ATP10D: variants seen among roughly 807,000 people sequenced by gnomAD.
ATP10D encodes ATPase phospholipid transporting 10D (putative), also known as phospholipid-transporting ATPase VD.
ATP10D carries 89 observed loss-of-function variants against 144.8 expected under a neutral mutation model. That is an observed-to-expected ratio of 0.61 (90% CI 0.52 to 0.73). The LOEUF is 0.73. Among genes scored for constraint, ATP10D ranks in the 30% least tolerant of loss-of-function variants. The pLI, the probability that ATP10D is intolerant of heterozygous loss-of-function variation, is 0.00. For synonymous variants in ATP10D, 571 were observed against 615.1 expected (o/e 0.93, Z 1.06); for missense variants, 1,603 against 1,714.8 (o/e 0.93, Z 1.15).
At chr4:47,554,967 G>T in intron 11 of ATP10D, 53 bp downstream of exon 11, 5 of 1,488,272 alleles carry the variant, frequency 3.4e-6, no homozygotes, top group Non-Finnish European at 4.7e-6. Flanking sequence ...GAGAATTTTG[G>T]GTTTAAATGT....
intron 9 of ATP10D, among the ~76,000 whole-genome samples, chr4:47,542,679 A>G (rs1390018809): frequency 6.6e-6 from 1 of 151,894 alleles, no homozygotes; most frequent in South Asian, 2.1e-4. Flanking sequence ...GGGTTTCGCC[A>G]TGTTGGCCAG....
intron 10 of ATP10D, 125 bp from the exon 11 acceptor site, chr4:47,554,601 G>T: frequency 1.4e-6 from 1 of 721,218 alleles, no homozygotes; most frequent in South Asian, 2.8e-5. Flanking sequence ...ATTGTTTTTA[G>T]AAAAATAAAG....
intron 1 of ATP10D, among the ~76,000 whole-genome samples, chr4:47,493,476 C>T (rs542641307): frequency 1.0e-3 from 157 of 152,258 alleles, no homozygotes; most frequent in African/African-American, 3.7e-3. Context: ...TGTTAGATGA[C>T]TTTGTCCAAC....
At chr4:47,516,034 A>G (rs1487929393) in intron 3 of ATP10D, among the ~76,000 whole-genome samples, 2 of 152,180 alleles carry the variant, frequency 1.3e-5, no homozygotes, top group African/African-American at 4.8e-5. Flanking sequence ...GTTCAAGACC[A>G]GCCTGACCAA....
chr4:47,565,510 G>C (rs1719580217), intron 15 of ATP10D, among the ~76,000 whole-genome samples: 1 of 152,162 alleles, frequency 6.6e-6, no homozygotes, highest in Admixed American at 6.5e-5. Flanking sequence ...CGCTGACTGA[G>C]TATGTGGCCT....
At position 47,593,078 on chromosome 4, in the gene ATP10D, C is replaced by A. The variant is rs1295446781; in HGVS notation, c.*1697C>A. On this transcript the variant is annotated 3_prime_UTR_variant, in exon 23 of 23. Transcript: ENST00000273859. ...ATTCATTCCCTGAAATCGTCGTCTC[C>A]TGATAAACAATAATTTAGAGATATG... The A allele has an allele frequency of 6.6e-6, 1 of 151,948 alleles. No homozygotes were observed. The highest frequency in any genetic ancestry group is 2.4e-5 in the African/African-American group (1 of 41,376). 9.4% of individuals were successfully genotyped at this position (151,948 alleles called of 1,614,324 possible).
At chr4:47,520,220 G>C (rs1434666468) in intron 3 of ATP10D, among the ~76,000 whole-genome samples, 1 of 152,176 alleles carries the variant, frequency 6.6e-6, no homozygotes, top group African/African-American at 2.4e-5. Context: ...AAAGTAGAGA[G>C]CAGTAAGCAT....
intron 9 of ATP10D, among the ~76,000 whole-genome samples, chr4:47,542,751 T>C (rs1718218066): frequency 6.6e-6 from 1 of 152,196 alleles, no homozygotes; most frequent in Admixed American, 6.5e-5. Context: ...AGTGCTGGGA[T>C]TGCAGGCCTG....
Position 47,591,190 on chromosome 4 carries a change from G to A in ATP10D, c.4090G>A (p.Ala1364Thr), listed in dbSNP as rs367581812. The change falls in exon 23 of 23, where the codon GCT becomes ACT. Residue 1364 changes from alanine (A) to threonine (T), a missense_variant. Physicochemically the swap from Ala to Thr is moderately conservative, Grantham distance 58. Coordinates refer to ENST00000273859, the MANE Select transcript of ATP10D (RefSeq NM_020453.4). ...GKMNQVTSKY[A>T]NQSAGKSGRR... ...GATGAATCAAGTGACATCAAAGTATGCTAACCAATCAGCTGGCAAGTCAGG... is the reference window on the plus strand; with the variant it reads ...GATGAATCAAGTGACATCAAAGTATACTAACCAATCAGCTGGCAAGTCAGG... 1 of 1,613,598 alleles carries A rather than the reference G, an allele frequency of 6.2e-7. No individual in the cohort carries two copies. Among genetic ancestry groups the A allele is most frequent in the Non-Finnish European group, 8.5e-7 (1 of 1,179,620 alleles).
At chr4:47,534,527 C>G (rs1398232753) in intron 5 of ATP10D, among the ~76,000 whole-genome samples, 1 of 152,114 alleles carries the variant, frequency 6.6e-6, no homozygotes, top group African/African-American at 2.4e-5. Context: ...TCCCATAAAT[C>G]ATGAGGCCCA....
At position 47,534,506 on chromosome 4, in the gene ATP10D, A is replaced by C. The variant is rs145575297; in HGVS notation, c.777-1003A>C. ...GGTTTGATTAAGCGCCTGTAGGGCC[A>C]TGACTTTCTTTCCCATAAATCATGA... On this transcript the variant is annotated intron_variant, in intron 5 of 22. Coordinates refer to ENST00000273859, the MANE Select transcript of ATP10D (RefSeq NM_020453.4). Among the ~76,000 whole-genome samples, 302 of 152,282 alleles carry C rather than the reference A, an allele frequency of 2.0e-3. 2 individuals carry two copies. The highest frequency in any genetic ancestry group is 6.9e-3 in the African/African-American group (288 of 41,578).
chr4:47,544,932 G>T (rs1718334423), intron 9 of ATP10D, among the ~76,000 whole-genome samples: 1 of 152,078 alleles, frequency 6.6e-6, no homozygotes, highest in African/African-American at 2.4e-5. Context: ...CTCTCATAGA[G>T]TTTCTATTAG....
intron 9 of ATP10D, among the ~76,000 whole-genome samples, chr4:47,538,194 G>GT (rs1202861405): frequency 2.0e-5 from 3 of 152,026 alleles, no homozygotes; most frequent in African/African-American, 4.8e-5. Flanking sequence ...CTTTTTATAT[G>GT]TTTTTCAGTC....
chr4:47,523,130 G>C lies in ATP10D; in HGVS notation c.604G>C (p.Asp202His). The change falls in exon 4 of 23, where the codon GAT (aspartate) becomes CAT (histidine). Residue 202 changes from aspartate (D) to histidine (H), a missense_variant. By Grantham distance (81) the Asp-to-His change is moderately conservative. Transcript: ENST00000273859. ...GGTACTACTCTTTTCCACTGATCCA[G>C]ATGGAATCTGTCACATTGAGACTTC... ...DMVLLFSTDP[D>H]GICHIETSGL... 6.2e-7 allele frequency: 1 copy of C among 1,614,040 alleles called. No homozygotes were observed. The highest frequency in any genetic ancestry group is 8.5e-7 in the Non-Finnish European group (1 of 1,179,986).
rs1399321730 is a variant in ATP10D, at chr4:47,512,659, C to A, written c.119C>A (p.Ser40Tyr). Reference protein sequence around the residue: ...YSSLLACGRKSSQTPKLSGRH... With the variant: ...YSSLLACGRKYSQTPKLSGRH... Reference sequence around the variant, plus strand: ...TCGTTGCTCGCCTGTGGGCGCAAGTCCTCTCAGACCCCTAAACTGTCAGGA... The same window carrying A: ...TCGTTGCTCGCCTGTGGGCGCAAGTACTCTCAGACCCCTAAACTGTCAGGA... Residue 40 changes from serine to tyrosine, a missense_variant, in exon 2 of 23, where the codon TCC becomes TAC. Coordinates refer to ENST00000273859, the MANE Select transcript of ATP10D (RefSeq NM_020453.4). 2 of 1,614,156 alleles carry A rather than the reference C, an allele frequency of 1.2e-6. No individual in the cohort carries two copies. Among genetic ancestry groups the A allele is most frequent in the Admixed American group, 3.3e-5 (2 of 60,008 alleles).
chr4:47,529,100 C>T (rs1717425046), intron 5 of ATP10D, among the ~76,000 whole-genome samples: 1 of 152,106 alleles, frequency 6.6e-6, no homozygotes, highest in African/African-American at 2.4e-5. Flanking sequence ...TGTCTGTTTA[C>T]TCTCTTGATT....
intron 9 of ATP10D, among the ~76,000 whole-genome samples, chr4:47,544,517 G>A (rs914658478): frequency 6.6e-6 from 1 of 152,172 alleles, no homozygotes; most frequent in Non-Finnish European, 1.5e-5. Flanking sequence ...GAAACATTCC[G>A]TGTTGTTTAG....
At chr4:47,497,628 C>A (rs535192536) in intron 1 of ATP10D, among the ~76,000 whole-genome samples, 119 of 152,210 alleles carry the variant, frequency 7.8e-4, no homozygotes, top group Non-Finnish European at 1.6e-3. Context: ...ATATAAAATT[C>A]TGGCAAACAT....
In ATP10D at chr4:47,592,259, C is replaced by A. The variant is rs1023005305; in HGVS notation, c.*878C>A. Reference sequence around the variant, plus strand: ...TGACAGTAGCCTGATCAAAGTGATACAATCAATTTCAAAACAATCTTCCAG... The same window carrying A: ...TGACAGTAGCCTGATCAAAGTGATAAAATCAATTTCAAAACAATCTTCCAG... On this transcript the variant is annotated 3_prime_UTR_variant, in exon 23 of 23. Coordinates refer to ENST00000273859, the MANE Select transcript of ATP10D (RefSeq NM_020453.4). The A allele has an allele frequency of 1.3e-5, 2 of 152,666 alleles. No individual in the cohort carries two copies. The highest frequency in any genetic ancestry group is 2.9e-5 in the Non-Finnish European group (2 of 67,996). The allele number at this position is 152,666 out of a possible 1,614,324, so 9.5% of individuals were successfully genotyped here.
Sources: allele counts gnomAD v4.1 joint callset (sites outside exome capture counted in the v4.1 genomes callset), GRCh38; gene constraint gnomAD v4.1.1; transcripts MANE v1.5; gene names NCBI Gene and HGNC (gene_info 2026-07-23, HGNC 2026-07-21).